The following FAM13B variants were observed in gnomAD, a reference collection of about 807,000 sequenced individuals.
FAM13B encodes protein FAM13B.
Under a neutral mutation model 117.3 loss-of-function variants are expected in FAM13B, and 60 were observed. That is an observed-to-expected ratio of 0.51 (90% CI 0.42 to 0.63). The LOEUF (loss-of-function observed/expected upper bound fraction) is 0.63, where lower values mean the gene tolerates loss of function less well. FAM13B is among the 30% of genes least tolerant of loss of function. The probability of loss-of-function intolerance (pLI) is 0.00; values close to 1 mark genes in which losing one functional copy is unlikely to be tolerated. For synonymous variants in FAM13B, 332 were observed against 356.1 expected (o/e 0.93, Z 0.76); for missense variants, 972 against 1,091.9 (o/e 0.89, Z 1.55).
Position 137,943,194 on chromosome 5 carries a change from C to T in FAM13B, c.2363G>A (p.Arg788Lys). 6.2e-7 allele frequency: 1 copy of T among 1,613,926 alleles called. No homozygotes were observed. Among genetic ancestry groups the T allele is most frequent in the African/African-American group, 1.3e-5 (1 of 75,048 alleles). ...PVLGSPSTKR[R>K]GQMLQPIIEG... Reference sequence around the variant, plus strand: ...TATGATTGGCTGTAACATCTGACCCCTTCGCTTGGTGGATGGAGATCCCTA... The same window carrying T: ...TATGATTGGCTGTAACATCTGACCCTTTCGCTTGGTGGATGGAGATCCCTA... Residue 788 changes from arginine (R) to lysine (K), a missense_variant, in exon 21 of 24, where the codon AGG becomes AAG. Transcript: ENST00000689681.
At chr5:137,997,469 C>CAA (rs1247826230) in intron 7 of FAM13B, among the ~76,000 whole-genome samples, 1 of 150,166 alleles carries the variant, frequency 6.7e-6, no homozygotes, top group African/African-American at 2.4e-5. Flanking sequence ...AACTCCATCT[C>CAA]AAAAAATATA....
chr5:138,018,792 G>T (rs76241080), intron 3 of FAM13B, among the ~76,000 whole-genome samples, 163 bp downstream of exon 3: 1 of 151,804 alleles, frequency 6.6e-6, no homozygotes, highest in African/African-American at 2.4e-5. Context: ...CTAAGTATAT[G>T]AATTTAAGTA....
intron 10 of FAM13B, among the ~76,000 whole-genome samples, chr5:137,981,694 G>A (rs191755208): frequency 2.0e-5 from 3 of 152,176 alleles, no homozygotes; most frequent in Admixed American, 6.5e-5. Flanking sequence ...GCTGAGGCAG[G>A]AGAATGGCTT....
chr5:137,954,409 G>A, intron 14 of FAM13B, 33 bp from the exon 15 acceptor site: 1 of 1,561,208 alleles, frequency 6.4e-7, no homozygotes, highest in South Asian at 1.1e-5. Context: ...AGTACCATGG[G>A]TCTCTTGATT....
At chr5:138,027,910 T>G (rs1403685916) in intron 1 of FAM13B, among the ~76,000 whole-genome samples, 1 of 152,224 alleles carries the variant, frequency 6.6e-6, no homozygotes, top group Non-Finnish European at 1.5e-5. Context: ...TGCTGCCATG[T>G]AAGACATGCC....
Position 138,007,159 on chromosome 5 carries a change from A to C in FAM13B, c.691-12T>G, listed in dbSNP as rs939852714. ...GAAAGTTCATTAACCTATATAAATA[A>C]AAAGAAATTCAGAATTAAAATGTAA... is the stretch of plus-strand genomic sequence containing the variant. On this transcript the variant is annotated splice_polypyrimidine_tract_variant and intron_variant, in intron 6 of 23. Coordinates refer to ENST00000689681, the MANE Select transcript of FAM13B (RefSeq NM_001385994.1). 1 of 1,560,052 alleles carries C rather than the reference A, an allele frequency of 6.4e-7. No individual in the cohort carries two copies. Among genetic ancestry groups the C allele is most frequent in the Non-Finnish European group, 8.7e-7 (1 of 1,155,114 alleles).
At chr5:137,979,232 C>T (rs186665209) in intron 10 of FAM13B, among the ~76,000 whole-genome samples, 1 of 152,030 alleles carries the variant, frequency 6.6e-6, no homozygotes, top group Non-Finnish European at 1.5e-5. Context: ...AGGCTGGTCT[C>T]GAACTCCTGA....
chr5:137,989,998 GA>G (rs1273987150), intron 7 of FAM13B, among the ~76,000 whole-genome samples: 2 of 151,404 alleles, frequency 1.3e-5, no homozygotes, highest in Non-Finnish European at 2.9e-5. Context: ...GATTTCTGTA[GA>G]AAAAAAACAA....
At chr5:138,011,449 C>T (rs1430742405) in intron 5 of FAM13B, among the ~76,000 whole-genome samples, 2 of 151,548 alleles carry the variant, frequency 1.3e-5, no homozygotes, top group African/African-American at 4.9e-5. Flanking sequence ...GATGGAGTCT[C>T]GCTCTGTCAC....
chr5:138,033,178 C>G (rs1790661352), upstream of FAM13B: 2 of 477,998 alleles, frequency 4.2e-6, no homozygotes, highest in African/African-American at 2.1e-5. Flanking sequence ...CCACAGCATT[C>G]CGGGCAGCGG....
At chr5:138,000,173 G>C (rs1780854444) in intron 7 of FAM13B, among the ~76,000 whole-genome samples, 3 of 152,164 alleles carry the variant, frequency 2.0e-5, no homozygotes, top group African/African-American at 4.8e-5. Context: ...TAAGGCTGGA[G>C]AATCACTTGC....
At chr5:137,991,060 A>AT (rs2150643644) in intron 7 of FAM13B, among the ~76,000 whole-genome samples, 1 of 152,194 alleles carries the variant, frequency 6.6e-6, no homozygotes, top group East Asian at 1.9e-4. Context: ...GGGAGGATGG[A>AT]TTTTATACCA....
intron 15 of FAM13B, among the ~76,000 whole-genome samples, chr5:137,953,817 C>T (rs1765682271): frequency 6.6e-6 from 1 of 152,202 alleles, no homozygotes; most frequent in Admixed American, 6.5e-5. Flanking sequence ...TTAGGAACTG[C>T]TCAGCACCAT....
At chr5:137,979,447 A>G (rs1775012210) in intron 10 of FAM13B, among the ~76,000 whole-genome samples, 1 of 152,198 alleles carries the variant, frequency 6.6e-6, no homozygotes, top group African/African-American at 2.4e-5. Context: ...AGATCTGGGT[A>G]CATCATTCCC....
intron 10 of FAM13B, 56 bp downstream of exon 10, chr5:137,985,201 A>G (rs1776877340): frequency 3.9e-6 from 6 of 1,555,766 alleles, no homozygotes; most frequent in Non-Finnish European, 5.2e-6. Flanking sequence ...GGCATCAAAG[A>G]AACACATGAA....
At chr5:137,996,796 T>C (rs764134983) in intron 7 of FAM13B, among the ~76,000 whole-genome samples, 8 of 152,256 alleles carry the variant, frequency 5.3e-5, no homozygotes, top group African/African-American at 9.6e-5. Flanking sequence ...TTTCACTATG[T>C]TGGCCAGGCT....
upstream of FAM13B, among the ~76,000 whole-genome samples, chr5:138,033,385 G>A (rs1790714275): frequency 6.6e-6 from 1 of 152,228 alleles, no homozygotes; most frequent in African/African-American, 2.4e-5. Context: ...TCTGGTCTCT[G>A]CGGAGGAAGC....
rs141284431 is a variant in FAM13B, at chr5:137,940,246, T to C, written c.2793A>G (p.Gln931=). ...LRLLEVLISK[Q]DSSKSI ...TATCTTATATGGATTTTGAAGAATC[T>C]TGTTTGCTTATAAGAACTTCAAGAA... is the stretch of plus-strand genomic sequence containing the variant. The change falls in exon 24 of 24, where the codon CAA becomes CAG. Residue 931 remains glutamine (Q), a synonymous_variant. Transcript: ENST00000689681. 215 of 1,613,966 alleles carry C rather than the reference T, an allele frequency of 1.3e-4. No homozygotes were observed. In the Middle Eastern group the frequency reaches 1.5e-3, roughly 11 times the overall value.
chr5:137,952,249 G>A (rs1482476716), intron 17 of FAM13B, among the ~76,000 whole-genome samples: 2 of 152,108 alleles, frequency 1.3e-5, no homozygotes, highest in Non-Finnish European at 2.9e-5. Context: ...CTTAGTCTTA[G>A]ATGAAAATAC....
Sources: allele counts gnomAD v4.1 joint callset (sites outside exome capture counted in the v4.1 genomes callset), GRCh38; gene constraint gnomAD v4.1.1; transcripts MANE v1.5; gene names NCBI Gene and HGNC (gene_info 2026-07-23, HGNC 2026-07-21).